The following FGGY variants were observed in gnomAD, a reference collection of about 807,000 sequenced individuals.
The protein encoded by FGGY is FGGY carbohydrate kinase domain-containing protein.
Under a neutral mutation model 71.3 loss-of-function variants are expected in FGGY, and 72 were observed. The observed-to-expected ratio is 1.01, with a 90% confidence interval of 0.84 to 1.23. The LOEUF (loss-of-function observed/expected upper bound fraction) is 1.23, where lower values mean the gene tolerates loss of function less well. Among genes scored for constraint, FGGY ranks in the 50% most tolerant of loss-of-function variants. FGGY has a pLI of 0.00. For synonymous variants in FGGY, 251 were observed against 250.3 expected (o/e 1.00, Z -0.02); for missense variants, 668 against 682.3 (o/e 0.98, Z 0.23).
chr1:59,576,104 G>A (rs764314673), intron 8 of FGGY, among the ~76,000 whole-genome samples: 1 of 152,144 alleles, frequency 6.6e-6, no homozygotes, highest in Non-Finnish European at 1.5e-5. Context: ...GCACACATAT[G>A]TTTATTGCAG....
rs945687631 is a variant in FGGY at position 59,653,006 on chromosome 1, C to A, written c.1222-7213C>A. Reference sequence around the variant, plus strand: ...CTCAGCTGCAGGTCTGTTGGAATACCCTGCCGTGTGAGGTGTCAGTGTGCT... The same window carrying A: ...CTCAGCTGCAGGTCTGTTGGAATACACTGCCGTGTGAGGTGTCAGTGTGCT... On this transcript the variant is annotated intron_variant, in intron 11 of 15. Transcript: ENST00000303721. Among the ~76,000 whole-genome samples, 5 of 152,002 alleles carry A rather than the reference C, an allele frequency of 3.3e-5. No homozygotes were observed. The East Asian group carries it at 9.7e-4, about 30-fold the overall frequency.
intron 4 of FGGY, among the ~76,000 whole-genome samples, chr1:59,355,830 C>T (rs79416587): frequency 0.024 from 3,706 of 152,076 alleles, 170 homozygotes; most frequent in African/African-American, 0.085. Context: ...AAAGGGCACT[C>T]ATTTCTTCCC....
At chr1:59,377,846 C>A (rs1280218387) in intron 4 of FGGY, among the ~76,000 whole-genome samples, 1 of 151,986 alleles carries the variant, frequency 6.6e-6, no homozygotes, top group Non-Finnish European at 1.5e-5. Flanking sequence ...AAGAAAATGC[C>A]CAGCAGTAAG....
At chr1:59,501,580 C>A (rs1262645374) in intron 6 of FGGY, among the ~76,000 whole-genome samples, 1 of 152,180 alleles carries the variant, frequency 6.6e-6, no homozygotes, top group African/African-American at 2.4e-5. Flanking sequence ...GTCTTGAAAG[C>A]ATTGGACATC....
intron 1 of FGGY, among the ~76,000 whole-genome samples, chr1:59,318,196 G>C (rs376856829): frequency 1.3e-5 from 2 of 152,220 alleles, no homozygotes; most frequent in African/African-American, 4.8e-5. Flanking sequence ...TAAAATGGGA[G>C]TGATCATAGT....
chr1:59,434,533 C>T (rs72913768), intron 5 of FGGY, among the ~76,000 whole-genome samples: 8 of 152,176 alleles, frequency 5.3e-5, no homozygotes, highest in Non-Finnish European at 7.4e-5. Context: ...CTGTCTTAGT[C>T]ATTTTGGGCT....
At chr1:59,602,969 TA>T in intron 8 of FGGY, among the ~76,000 whole-genome samples, 1 of 152,348 alleles carries the variant, frequency 6.6e-6, no homozygotes, top group Non-Finnish European at 1.5e-5. Context: ...GTTATAGCTT[TA>T]TTGAGCTCAG....
At position 59,374,130 on chromosome 1, in the gene FGGY, C is replaced by G. The variant is rs1411249234; in HGVS notation, c.466-4619C>G. On this transcript the variant is annotated intron_variant, in intron 4 of 15. Coordinates refer to ENST00000303721, the MANE Select transcript of FGGY (RefSeq NM_018291.5). ...AGTGAACAGGCAACCCACAAAATGG[C>G]AGAAAATTTTCACAACCTACTCATC... 8.5e-5 allele frequency among the ~76,000 whole-genome samples: 13 copies of G among 152,240 alleles called. 1 individual carries two copies. In the East Asian group the frequency reaches 2.3e-3, roughly 27 times the overall value.
chr1:59,494,306 A>G (rs2093967941), intron 6 of FGGY, among the ~76,000 whole-genome samples: 1 of 152,170 alleles, frequency 6.6e-6, no homozygotes, highest in South Asian at 2.1e-4. Context: ...TCTAAGGAGG[A>G]GACTTCAGAG....
chr1:59,419,303 A>T (rs2065019094), intron 5 of FGGY, among the ~76,000 whole-genome samples: 1 of 152,106 alleles, frequency 6.6e-6, no homozygotes, highest in South Asian at 2.1e-4. Flanking sequence ...GTAAAAAAAT[A>T]CCAGTTAAGC....
At chr1:59,385,157 C>A (rs1247849597) in intron 5 of FGGY, among the ~76,000 whole-genome samples, 1 of 152,062 alleles carries the variant, frequency 6.6e-6, no homozygotes, top group African/African-American at 2.4e-5. Flanking sequence ...TCTCTTCCTT[C>A]TCCATTTTCC....
chr1:59,517,254 CTTTTTTTTTTTTTTT>C (rs57951011), intron 7 of FGGY, among the ~76,000 whole-genome samples: 2 of 87,628 alleles, frequency 2.3e-5, no homozygotes, highest in African/African-American at 1.1e-4. Context: ...CTCAGTTGCT[CTTTTTTTTTTTTTTT>C]TTTTTTTTTT....
chr1:59,599,247 G>A (rs191302661), intron 8 of FGGY, among the ~76,000 whole-genome samples: 156 of 152,228 alleles, frequency 1.0e-3, no homozygotes, highest in African/African-American at 3.6e-3. Context: ...GGTACTACAG[G>A]CACGTGCCAC....
At chr1:59,675,017 A>C (rs1024567293) in intron 14 of FGGY, among the ~76,000 whole-genome samples, 1 of 152,212 alleles carries the variant, frequency 6.6e-6, no homozygotes, top group African/African-American at 2.4e-5. Flanking sequence ...TGTGTCAAGC[A>C]TGCTCATTTA....
intron 14 of FGGY, among the ~76,000 whole-genome samples, chr1:59,729,907 G>A (rs2098003140): frequency 6.6e-6 from 1 of 151,982 alleles, no homozygotes; most frequent in Non-Finnish European, 1.5e-5. Context: ...CCTCTTAAAA[G>A]GTCTTTATTA....
intron 8 of FGGY, among the ~76,000 whole-genome samples, chr1:59,603,912 A>G (rs1295275349): frequency 1.3e-5 from 2 of 152,234 alleles, no homozygotes; most frequent in Non-Finnish European, 2.9e-5. Context: ...AGAGACAAAT[A>G]TAGAACCTGA....
chr1:59,608,263 T>A (rs2096642601), intron 9 of FGGY, among the ~76,000 whole-genome samples: 1 of 152,178 alleles, frequency 6.6e-6, no homozygotes, highest in Admixed American at 6.5e-5. Context: ...ATGGCTCAGA[T>A]AATATTCTGG....
At chr1:59,418,495 G>GA (rs74672608) in intron 5 of FGGY, among the ~76,000 whole-genome samples, 2 of 147,926 alleles carry the variant, frequency 1.4e-5, no homozygotes, top group East Asian at 3.9e-4. Flanking sequence ...AAGGAGGAAA[G>GA]AAAAAAAAAA....
intron 5 of FGGY, among the ~76,000 whole-genome samples, chr1:59,425,977 T>C (rs1361927638): frequency 6.6e-6 from 1 of 152,166 alleles, no homozygotes; most frequent in African/African-American, 2.4e-5. Context: ...TGAAATTGAA[T>C]AAGTTTCAAA....
Sources: gnomAD v4.1 joint callset for allele counts (sites outside exome capture counted in the v4.1 genomes callset) on GRCh38, gnomAD v4.1.1 for gene constraint, MANE v1.5 for transcripts, NCBI Gene and HGNC (gene_info 2026-07-23, HGNC 2026-07-21) for gene names.